NAALADL2: variants seen among roughly 807,000 people sequenced by gnomAD.
NAALADL2 encodes N-acetylated alpha-linked acidic dipeptidase like 2, also known as inactive N-acetylated-alpha-linked acidic dipeptidase-like protein 2.
In NAALADL2, 76 loss-of-function variants were observed where a neutral mutation model predicts 87.2. The observed-to-expected ratio is 0.87, with a 90% CI of 0.72 to 1.05. The LOEUF (loss-of-function observed/expected upper bound fraction) is 1.05, where lower values mean the gene tolerates loss of function less well. NAALADL2 is among the 50% of genes least tolerant of loss of function. The pLI is 0.00. For synonymous variants in NAALADL2, 354 were observed against 331.0 expected, an observed-to-expected ratio of 1.07 and a Z score of -0.75; for missense variants, 1,089 against 945.8, an observed-to-expected ratio of 1.15 and a Z score of -1.99.
intron 9 of NAALADL2, among the ~76,000 whole-genome samples, chr3:175,540,590 G>C (rs1227796872): frequency 6.6e-6 from 1 of 152,098 alleles, no homozygotes; most frequent in South Asian, 2.1e-4. Context: ...AGCTCTGGGA[G>C]GAGGTATCTG....
chr3:174,495,429 A>C (rs1218528221), intron 1 of NAALADL2, among the ~76,000 whole-genome samples: 1 of 152,216 alleles, frequency 6.6e-6, no homozygotes, highest in Non-Finnish European at 1.5e-5. Context: ...TCTGTAAGTA[A>C]CTACATAGCC....
At chr3:175,391,902 C>A (rs1169877434) in intron 5 of NAALADL2, among the ~76,000 whole-genome samples, 2 of 152,026 alleles carry the variant, frequency 1.3e-5, no homozygotes, top group Non-Finnish European at 2.9e-5. Flanking sequence ...ATATCAAAAT[C>A]TATTAAATGC....
intron 12 of NAALADL2, among the ~76,000 whole-genome samples, chr3:175,738,498 C>T (rs1331652554): frequency 6.6e-6 from 1 of 152,172 alleles, no homozygotes; most frequent in Non-Finnish European, 1.5e-5. Context: ...CTGCCTGCCT[C>T]GGCCTCCCGA....
intron 3 of NAALADL2, among the ~76,000 whole-genome samples, chr3:175,248,997 G>T (rs929770107): frequency 6.6e-6 from 1 of 151,552 alleles, no homozygotes; most frequent in East Asian, 1.9e-4. Flanking sequence ...CACCAATTTT[G>T]GTCTAGAGTC....
At chr3:174,589,094 G>T (rs1471452140) in intron 2 of NAALADL2, among the ~76,000 whole-genome samples, 1 of 152,108 alleles carries the variant, frequency 6.6e-6, no homozygotes, top group East Asian at 1.9e-4. Context: ...CCCTCCCCCA[G>T]CCTCGCTGCC....
In NAALADL2 at chr3:175,236,644, C is replaced by T. The variant is rs550572566; in HGVS notation, c.819+2440C>T. ...CTGATTCATACTCACTACCAGCAAA[C>T]TCTCATAATAATGGAGGTGGTGGTG... is the stretch of plus-strand genomic sequence containing the variant. On this transcript the variant is annotated intron_variant, in intron 3 of 13. Coordinates refer to ENST00000454872, the MANE Select transcript of NAALADL2 (RefSeq NM_207015.3). 4.0e-5 allele frequency among the ~76,000 whole-genome samples: 6 copies of T among 151,696 alleles called. No homozygotes were observed. In the South Asian group the frequency reaches 1.3e-3, roughly 32 times the overall value.
chr3:174,878,366 C>A (rs1462423809), intron 1 of NAALADL2, among the ~76,000 whole-genome samples: 1 of 151,956 alleles, frequency 6.6e-6, no homozygotes, highest in Admixed American at 6.6e-5. Context: ...TGGGATTTGG[C>A]CAACCTGTTG....
At chr3:174,746,415 T>C (rs1385193827) in intron 3 of NAALADL2, among the ~76,000 whole-genome samples, 1 of 152,074 alleles carries the variant, frequency 6.6e-6, no homozygotes, top group African/African-American at 2.4e-5. Context: ...AAACCACTGC[T>C]CAAGGAATTA....
intron 2 of NAALADL2, among the ~76,000 whole-genome samples, chr3:175,153,698 G>A (rs1381884167): frequency 6.6e-6 from 1 of 152,210 alleles, no homozygotes; most frequent in Admixed American, 6.5e-5. Context: ...AGTAAAGTAA[G>A]GAAGAGCTAT....
intron 4 of NAALADL2, among the ~76,000 whole-genome samples, chr3:175,291,724 T>G (rs1755662257): frequency 6.6e-6 from 1 of 152,120 alleles, no homozygotes; most frequent in Non-Finnish European, 1.5e-5. Flanking sequence ...GAATATCCAC[T>G]AATGCAATTA....
At chr3:175,504,278 G>A (rs1729959604) in intron 9 of NAALADL2, among the ~76,000 whole-genome samples, 1 of 152,188 alleles carries the variant, frequency 6.6e-6, no homozygotes, top group African/African-American at 2.4e-5. Context: ...CAGAGTTGAT[G>A]CTGGAATTAG....
intron 3 of NAALADL2, among the ~76,000 whole-genome samples, chr3:174,792,794 G>A (rs1485857823): frequency 6.6e-6 from 1 of 152,106 alleles, no homozygotes; most frequent in Non-Finnish European, 1.5e-5. Context: ...TGCTATTCAA[G>A]TCTGGATTCA....
intron 2 of NAALADL2, among the ~76,000 whole-genome samples, chr3:175,151,469 G>T (rs936478): frequency 2.0e-5 from 3 of 152,106 alleles, no homozygotes; most frequent in African/African-American, 7.2e-5. Context: ...ATTTATTATC[G>T]TATAAACTGG....
intron 13 of NAALADL2, among the ~76,000 whole-genome samples, chr3:175,800,232 G>A (rs1473079301): frequency 1.3e-5 from 2 of 151,970 alleles, no homozygotes; most frequent in African/African-American, 4.8e-5. Flanking sequence ...TGCTCCTTGG[G>A]CTACAGAGCT....
intron 11 of NAALADL2, chr3:175,655,629 A>T (rs993474528): frequency 5.6e-6 from 1 of 179,326 alleles, no homozygotes; most frequent in Non-Finnish European, 1.2e-5. Flanking sequence ...TACCCCAACG[A>T]TATGTAGCAG....
At chr3:174,753,475 C>T (rs539325481) in intron 3 of NAALADL2, among the ~76,000 whole-genome samples, 62 of 152,318 alleles carry the variant, frequency 4.1e-4, no homozygotes, top group African/African-American at 1.4e-3. Context: ...TCTTTAACTT[C>T]GTTTCCAAGT....
chr3:174,703,348 G>C (rs1729740446), intron 2 of NAALADL2, among the ~76,000 whole-genome samples: 1 of 149,732 alleles, frequency 6.7e-6, no homozygotes, highest in South Asian at 2.1e-4. Flanking sequence ...ATGTTATCTA[G>C]AGTGATAATT....
chr3:175,627,113 C>A (rs1325769166), intron 10 of NAALADL2, among the ~76,000 whole-genome samples, 178 bp from the exon 11 acceptor site: 1 of 151,794 alleles, frequency 6.6e-6, no homozygotes, highest in Admixed American at 6.6e-5. Flanking sequence ...TGTGTCTGAT[C>A]ATTTTAATTT....
chr3:175,007,735 A>G (rs138272124), intron 1 of NAALADL2, among the ~76,000 whole-genome samples: 173 of 152,302 alleles, frequency 1.1e-3, no homozygotes, highest in Middle Eastern at 0.01. Flanking sequence ...TTATAGGTAC[A>G]TACCTACAAA....
Sources: gnomAD v4.1 joint callset for allele counts (sites outside exome capture counted in the v4.1 genomes callset) on GRCh38, gnomAD v4.1.1 for gene constraint, MANE v1.5 for transcripts, NCBI Gene and HGNC (gene_info 2026-07-23, HGNC 2026-07-21) for gene names.